The following COL25A1 variants were observed in gnomAD, a reference collection of about 807,000 sequenced individuals.
COL25A1 encodes the protein collagen type XXV alpha 1 chain, also known as collagen alpha-1(XXV) chain.
COL25A1 carries 103 observed loss-of-function variants against 128.4 expected under a neutral mutation model. That is an observed-to-expected ratio of 0.80 (90% CI 0.68 to 0.94). The LOEUF (loss-of-function observed/expected upper bound fraction) is 0.94. Ranked by LOEUF, COL25A1 falls within the 40% of genes least tolerant of loss-of-function variation. The pLI is 0.00. For missense variants in COL25A1, 745 were observed against 840.0 expected (o/e 0.89, Z 1.40); for synonymous variants, 279 against 277.2 (o/e 1.01, Z -0.06).
chr4:109,096,661 T>C (rs770474655), intron 3 of COL25A1, among the ~76,000 whole-genome samples: 2 of 152,070 alleles, frequency 1.3e-5, no homozygotes, highest in Non-Finnish European at 2.9e-5. Context: ...TTAAAAGTTA[T>C]ATAGATTTAA....
At chr4:109,117,189 G>T (rs1282745835) in intron 3 of COL25A1, among the ~76,000 whole-genome samples, 11 of 151,640 alleles carry the variant, frequency 7.3e-5, no homozygotes, top group Non-Finnish European at 1.6e-4. Flanking sequence ...ACTACACCTA[G>T]GTATACATAT....
At position 109,032,787 on chromosome 4, in the gene COL25A1, T is replaced by A. The variant is rs538053688; in HGVS notation, c.420+15381A>T. 7.9e-5 allele frequency among the ~76,000 whole-genome samples: 12 copies of A among 152,328 alleles called. No homozygotes were observed. In the East Asian group the frequency reaches 2.3e-3, roughly 29 times the overall value. On this transcript the variant is annotated intron_variant, in intron 5 of 37. Transcript: ENST00000399132. Reference sequence around the variant, plus strand: ...TTGATGAGGCTCGGCAGGTTCTTTCTGAACGATTCTAAATAACTGCTGAGG... The same window carrying A: ...TTGATGAGGCTCGGCAGGTTCTTTCAGAACGATTCTAAATAACTGCTGAGG...
At chr4:108,919,260 C>T (rs767630551) in intron 12 of COL25A1, among the ~76,000 whole-genome samples, 2 of 152,130 alleles carry the variant, frequency 1.3e-5, no homozygotes, top group Non-Finnish European at 2.9e-5. Context: ...ATTGAGATGG[C>T]AAGTTCCTTA....
intron 5 of COL25A1, among the ~76,000 whole-genome samples, chr4:109,040,916 G>C (rs1197050286): frequency 1.3e-5 from 2 of 152,080 alleles, no homozygotes; most frequent in Non-Finnish European, 2.9e-5. Flanking sequence ...CCTGGGGAGA[G>C]AAAGGATTCA....
chr4:109,004,479 G>A lies in COL25A1; in HGVS notation c.438+5879C>T, dbSNP rs143320059. 7.8e-3 allele frequency among the ~76,000 whole-genome samples: 1,181 copies of A among 151,986 alleles called. 7 individuals are homozygous for A. The highest frequency in any genetic ancestry group is 0.014 in the Middle Eastern group (4 of 294). On this transcript the variant is annotated intron_variant, in intron 6 of 37. Transcript: ENST00000399132. ...ACTATGAATAAGATGATGTGGGAAC[G>A]ACAGAGTTTGGATATTTGCCCCCGC...
intron 3 of COL25A1, among the ~76,000 whole-genome samples, chr4:109,227,502 T>C (rs1455148245): frequency 6.6e-6 from 1 of 152,256 alleles, no homozygotes; most frequent in South Asian, 2.1e-4. Context: ...AAAGTGGTTA[T>C]AGTCTACAAA....
At chr4:108,893,713 T>C (rs1741798115) in intron 16 of COL25A1, among the ~76,000 whole-genome samples, 1 of 152,204 alleles carries the variant, frequency 6.6e-6, no homozygotes, top group Non-Finnish European at 1.5e-5. Flanking sequence ...TTAAAATTTT[T>C]ACATCTCAAA....
At chr4:108,832,047 C>A (rs191394886) in intron 32 of COL25A1, among the ~76,000 whole-genome samples, 3 of 142,362 alleles carry the variant, frequency 2.1e-5, no homozygotes, top group Non-Finnish European at 3.1e-5. Context: ...AATACATACT[C>A]CGGAAATTTT....
intron 3 of COL25A1, among the ~76,000 whole-genome samples, chr4:109,281,977 G>A (rs1460271638): frequency 2.0e-5 from 3 of 152,094 alleles, no homozygotes; most frequent in Non-Finnish European, 4.4e-5. Flanking sequence ...AGTCACAGTC[G>A]AATGTGCTAT....
At chr4:109,093,424 A>G (rs1325413976) in intron 3 of COL25A1, among the ~76,000 whole-genome samples, 1 of 149,784 alleles carries the variant, frequency 6.7e-6, no homozygotes, top group Non-Finnish European at 1.5e-5. Flanking sequence ...GTTTGAGACC[A>G]GCCTGGGCAA....
intron 3 of COL25A1, among the ~76,000 whole-genome samples, chr4:109,069,763 T>G (rs956523290): frequency 2.6e-5 from 4 of 152,160 alleles, no homozygotes; most frequent in Non-Finnish European, 5.9e-5. Context: ...TTTCTTTTCC[T>G]GGAGAAAATC....
At chr4:109,233,599 T>C (rs892317555) in intron 3 of COL25A1, among the ~76,000 whole-genome samples, 1 of 152,152 alleles carries the variant, frequency 6.6e-6, no homozygotes, top group Admixed American at 6.6e-5. Flanking sequence ...ATGTGCAACC[T>C]TTAGTAATGT....
At chr4:108,820,820 T>C (rs1014170962) in intron 35 of COL25A1, among the ~76,000 whole-genome samples, 4 of 151,962 alleles carry the variant, frequency 2.6e-5, no homozygotes, top group African/African-American at 9.7e-5. Flanking sequence ...CTATGGAAAT[T>C]AGTATTTAGG....
At chr4:109,117,081 C>T (rs182276251) in intron 3 of COL25A1, among the ~76,000 whole-genome samples, 55 of 151,280 alleles carry the variant, frequency 3.6e-4, no homozygotes, top group African/African-American at 1.3e-3. Context: ...GAAAAAAAAA[C>T]AGAAGTAATA....
chr4:109,218,316 A>C (rs538261847), intron 3 of COL25A1, among the ~76,000 whole-genome samples: 6 of 150,060 alleles, frequency 4.0e-5, no homozygotes, highest in East Asian at 3.9e-4. Context: ...AAGTGTTACT[A>C]AATACTAAAA....
chr4:108,873,976 A>G (rs1478669161), intron 19 of COL25A1, among the ~76,000 whole-genome samples: 1 of 152,198 alleles, frequency 6.6e-6, no homozygotes, highest in African/African-American at 2.4e-5. Flanking sequence ...AAGGTTCTAG[A>G]ATCTCCTAAA....
At chr4:109,026,490 C>T (rs112113771) in intron 5 of COL25A1, among the ~76,000 whole-genome samples, 4 of 152,144 alleles carry the variant, frequency 2.6e-5, no homozygotes, top group Admixed American at 2.6e-4. Flanking sequence ...GAAGTGTGAA[C>T]TCTGGTTATT....
At chr4:109,054,044 A>G (rs1761226225) in intron 3 of COL25A1, among the ~76,000 whole-genome samples, 1 of 152,212 alleles carries the variant, frequency 6.6e-6, no homozygotes, top group African/African-American at 2.4e-5. Flanking sequence ...TAAATTCCTG[A>G]CTGAATGGAG....
chr4:108,913,438 A>C (rs1300839580), intron 13 of COL25A1, among the ~76,000 whole-genome samples: 1 of 151,546 alleles, frequency 6.6e-6, no homozygotes, highest in Non-Finnish European at 1.5e-5. Context: ...TTGTATTTTT[A>C]GTACAGACGG....
Sources: allele counts gnomAD v4.1 joint callset (sites outside exome capture counted in the v4.1 genomes callset), GRCh38; gene constraint gnomAD v4.1.1; transcripts MANE v1.5; gene names NCBI Gene and HGNC (gene_info 2026-07-23, HGNC 2026-07-21).